SEMA4F: variants seen among roughly 807,000 people sequenced by gnomAD.
SEMA4F encodes semaphorin-4F.
SEMA4F carries 51 observed loss-of-function variants against 78.4 expected under a neutral mutation model. The observed-to-expected ratio is 0.65, with a 90% CI of 0.52 to 0.82. The LOEUF is 0.82. Among genes scored for constraint, SEMA4F ranks in the 40% least tolerant of loss-of-function variants. SEMA4F has a pLI of 0.00. For synonymous variants in SEMA4F, 418 were observed against 408.7 expected, an observed-to-expected ratio of 1.02 and a Z score of -0.27; for missense variants, 938 against 1,014.4, an observed-to-expected ratio of 0.92 and a Z score of 1.02.
chr2:74,673,947 T>C (rs1685128501), intron 7 of SEMA4F, 119 bp downstream of exon 7: 1 of 1,211,998 alleles, frequency 8.3e-7, no homozygotes, highest in Non-Finnish European at 1.2e-6. Flanking sequence ...TTTCTCTGCC[T>C]TGACTTCTCT....
At chr2:74,666,337 G>A (rs1296921435) in intron 5 of SEMA4F, among the ~76,000 whole-genome samples, 4 of 151,974 alleles carry the variant, frequency 2.6e-5, no homozygotes, top group Admixed American at 6.6e-5. Flanking sequence ...CTGCTGAAGC[G>A]AGCACAAGAA....
the SEMA4F span, among the ~76,000 whole-genome samples, chr2:74,703,143 T>A: frequency 2.1e-5 from 3 of 146,042 alleles, no homozygotes; most frequent in Non-Finnish European, 4.4e-5. Context: ...AAATAAATAA[T>A]ACTACGGGTT....
intron 12 of SEMA4F, among the ~76,000 whole-genome samples, chr2:74,676,988 G>A (rs2105009682): frequency 6.6e-6 from 1 of 152,174 alleles, no homozygotes; most frequent in Admixed American, 6.5e-5. Context: ...TGCAACCTCT[G>A]CCTCCCTTAT....
intron 12 of SEMA4F, among the ~76,000 whole-genome samples, chr2:74,678,370 C>G (rs1028143833): frequency 6.6e-6 from 1 of 152,172 alleles, no homozygotes; most frequent in Admixed American, 6.5e-5. Context: ...GTTCCTGTGG[C>G]AACAGCTGTG....
intron 4 of SEMA4F, among the ~76,000 whole-genome samples, chr2:74,661,726 A>C (rs574026720): frequency 3.9e-5 from 6 of 152,350 alleles, no homozygotes; most frequent in African/African-American, 1.4e-4. Context: ...CTTGTTTGCC[A>C]TCTAGAACAA....
downstream of SEMA4F, among the ~76,000 whole-genome samples, chr2:74,684,525 G>A (rs1685769242): frequency 6.6e-6 from 1 of 152,078 alleles, no homozygotes; most frequent in Non-Finnish European, 1.5e-5. Flanking sequence ...CCATAGGTAG[G>A]CACCTAAAGT....
At chr2:74,664,791 G>C (rs1684598095) in intron 5 of SEMA4F, among the ~76,000 whole-genome samples, 1 of 152,052 alleles carries the variant, frequency 6.6e-6, no homozygotes, top group Non-Finnish European at 1.5e-5. Context: ...TCATGTTCTT[G>C]GACCAGTTAA....
chr2:74,681,302 G>A lies in SEMA4F; in HGVS notation c.*1093G>A, dbSNP rs1026381680. On this transcript the variant is annotated 3_prime_UTR_variant, in exon 14 of 14. Transcript: ENST00000357877. ...GACTCCCTGAAATTGTATGCAAAATGTTGTTTGTACATGTGTGTCTGTATG... is the reference window on the plus strand; with the variant it reads ...GACTCCCTGAAATTGTATGCAAAATATTGTTTGTACATGTGTGTCTGTATG... The A allele has an allele frequency of 6.6e-6, 1 of 152,618 alleles. No individual in the cohort carries two copies. The highest frequency in any genetic ancestry group is 2.4e-5 in the African/African-American group (1 of 41,438). 9.5% of individuals were successfully genotyped at this position (152,618 alleles called of 1,614,324 possible).
the SEMA4F span, among the ~76,000 whole-genome samples, chr2:74,697,214 C>G: frequency 3.2e-4 from 49 of 152,310 alleles, no homozygotes; most frequent in Middle Eastern, 3.4e-3. Context: ...TCTTTCATCT[C>G]TTGAATACAT....
intron 3 of SEMA4F, 101 bp from the exon 4 acceptor site, chr2:74,657,752 A>G: frequency 2.2e-6 from 3 of 1,370,264 alleles, no homozygotes; most frequent in Non-Finnish European, 3.1e-6. Flanking sequence ...GCCATCACCC[A>G]TCATCTCTGA....
At chr2:74,668,796 A>G (rs1400623053) in intron 5 of SEMA4F, among the ~76,000 whole-genome samples, 1 of 151,698 alleles carries the variant, frequency 6.6e-6, no homozygotes, top group Non-Finnish European at 1.5e-5. Flanking sequence ...TGCCCAGCTA[A>G]TTTTTATATT....
chr2:74,673,822 G>A lies in SEMA4F; in HGVS notation c.816G>A (p.Val272=). 6 of 1,613,150 alleles carry A rather than the reference G, an allele frequency of 3.7e-6. No individual in the cohort carries two copies. The highest frequency in any genetic ancestry group is 1.1e-5 in the South Asian group (1 of 90,966). ...ERIKVPRVAR[V]CAGDLGGRKT... ...TTAAAGTCCCACGGGTGGCCCGTGT[G>A]TGTGCGGTGAGACCCCATCCCAGCT... The change falls in exon 7 of 14, where the codon GTG becomes GTA. Residue 272 remains valine (V), a synonymous_variant. Transcript: ENST00000357877.
rs1685485941 is a variant in SEMA4F, at chr2:74,679,690, G to A, written c.1794G>A (p.Trp598Ter). The part of the protein sequence containing the change: ...SPSSAWASCV[W>*]HQPSGVTALT... ...GCTCAGCATGGGCATCCTGTGTGTG[G>A]CACCAGCCCAGTGGAGTGACTGCAC... Residue 598 changes from tryptophan to a stop codon, truncating the protein, a stop_gained, in exon 14 of 14, where the codon TGG becomes TGA. Coordinates refer to ENST00000357877, the MANE Select transcript of SEMA4F (RefSeq NM_004263.5). LOFTEE classifies it high-confidence loss of function. 6.2e-7 allele frequency: 1 copy of A among 1,613,874 alleles called. No individual in the cohort carries two copies. Among genetic ancestry groups the A allele is most frequent in the South Asian group, 1.1e-5 (1 of 91,086 alleles).
the SEMA4F span, among the ~76,000 whole-genome samples, chr2:74,695,446 G>T: frequency 6.6e-6 from 1 of 152,136 alleles, no homozygotes; most frequent in African/African-American, 2.4e-5. Context: ...TCCAAATGTA[G>T]CAGAGCAGTT....
At chr2:74,656,443 A>G in intron 1 of SEMA4F, 91 bp from the exon 2 acceptor site, 1 of 1,376,376 alleles carries the variant, frequency 7.3e-7, no homozygotes, top group Non-Finnish European at 1.0e-6. Flanking sequence ...GGTACTTGGA[A>G]GAAAACAAAA....
chr2:74,684,088 CT>C (rs34924559), downstream of SEMA4F, among the ~76,000 whole-genome samples: 37,719 of 142,204 alleles, frequency 0.27, 6,435 homozygotes, highest in East Asian at 0.81. Flanking sequence ...ACCAAATTAA[CT>C]TTTTTTTTTT....
intron 5 of SEMA4F, among the ~76,000 whole-genome samples, chr2:74,667,867 T>A (rs1266045633): frequency 2.0e-5 from 3 of 152,172 alleles, no homozygotes; most frequent in African/African-American, 4.8e-5. Context: ...GGCTTCTGTT[T>A]CCACTGCATT....
the SEMA4F span, among the ~76,000 whole-genome samples, chr2:74,707,466 T>C: frequency 6.6e-6 from 1 of 151,934 alleles, no homozygotes; most frequent in African/African-American, 2.4e-5. Context: ...AAATGTTCAT[T>C]GTATTCTTGC....
intron 5 of SEMA4F, among the ~76,000 whole-genome samples, chr2:74,670,786 G>A (rs1034567572): frequency 3.3e-5 from 5 of 152,152 alleles, no homozygotes; most frequent in African/African-American, 1.2e-4. Flanking sequence ...CAGAGGGTTG[G>A]CTCATTTGCT....
Sources: allele counts gnomAD v4.1 joint callset (sites outside exome capture counted in the v4.1 genomes callset), GRCh38; gene constraint gnomAD v4.1.1; transcripts MANE v1.5; gene names NCBI Gene and HGNC (gene_info 2026-07-23, HGNC 2026-07-21).